The following GABRG3 variants were observed in gnomAD, a reference collection of about 807,000 sequenced individuals.
GABRG3 encodes gamma-aminobutyric acid receptor subunit gamma-3.
A neutral mutation model predicts 48.8 loss-of-function variants in GABRG3; 25 were observed. The ratio of observed to expected loss-of-function variants is 0.51; its 90% CI spans 0.37 to 0.72. The LOEUF is 0.72. Among genes scored for constraint, GABRG3 ranks in the 30% least tolerant of loss-of-function variants. GABRG3 has a pLI of 0.00. For missense variants in GABRG3, 394 were observed against 577.9 expected, an observed-to-expected ratio of 0.68 and a Z score of 3.26; for synonymous variants, 227 against 217.6, an observed-to-expected ratio of 1.04 and a Z score of -0.38.
chr15:27,183,718 C>A (rs141176057), intron 3 of GABRG3, among the ~76,000 whole-genome samples: 78 of 152,354 alleles, frequency 5.1e-4, no homozygotes, highest in Middle Eastern at 3.4e-3. Context: ...ATTTTTCCCT[C>A]TGTTACTCAT....
At chr15:27,007,703 T>C (rs764476740) in intron 2 of GABRG3, among the ~76,000 whole-genome samples, 3 of 152,214 alleles carry the variant, frequency 2.0e-5, no homozygotes, top group Non-Finnish European at 1.5e-5. Context: ...TGCATATATG[T>C]CTTCTTTTGA....
rs1167256948 is a variant in GABRG3, at chr15:27,457,058, G to T, written c.575-23592G>T. 6.6e-6 allele frequency among the ~76,000 whole-genome samples: 1 copy of T among 152,208 alleles called. No homozygotes were observed. The highest frequency in any genetic ancestry group is 1.5e-5 in the Non-Finnish European group (1 of 68,034). ...GACAGCAGGGGTGTGGAAGTAGAAG[G>T]AGCTGGAGGAGGGGAGCTGCAGGCC... is the stretch of plus-strand genomic sequence containing the variant. On this transcript the variant is annotated intron_variant, in intron 5 of 9. Transcript: ENST00000615808. This position sits in a 1 kb window ranked among gnomAD's most constrained non-coding sequence, Gnocchi z 4.4.
chr15:27,428,471 A>G (rs1888356353), intron 5 of GABRG3: 2 of 152,256 alleles, frequency 1.3e-5, no homozygotes, highest in South Asian at 4.1e-4. Flanking sequence ...CTGTTTTCAC[A>G]TGAATGTGAA....
At chr15:27,411,214 C>T (rs571225087) in intron 5 of GABRG3, among the ~76,000 whole-genome samples, 1 of 152,194 alleles carries the variant, frequency 6.6e-6, no homozygotes, top group African/African-American at 2.4e-5. Context: ...TAGTTTTGGA[C>T]AAACACTCTG....
intron 5 of GABRG3, among the ~76,000 whole-genome samples, chr15:27,437,714 G>C (rs545044433): frequency 6.6e-6 from 1 of 152,352 alleles, no homozygotes; most frequent in South Asian, 2.1e-4. Context: ...TCGTGTTGCT[G>C]TAAGAGAATA....
intron 3 of GABRG3, among the ~76,000 whole-genome samples, chr15:27,206,139 G>A (rs1196877114): frequency 1.3e-5 from 2 of 152,090 alleles, no homozygotes; most frequent in Non-Finnish European, 2.9e-5. Context: ...CTCTAGGTGT[G>A]ATGTTACATT....
In GABRG3 at chr15:27,236,664, C is replaced by T. The variant is rs1889977895; in HGVS notation, c.271-90145C>T. 6.6e-6 allele frequency among the ~76,000 whole-genome samples: 1 copy of T among 152,208 alleles called. No individual in the cohort carries two copies. The highest frequency in any genetic ancestry group is 1.5e-5 in the Non-Finnish European group (1 of 68,048). ...GTTCCTGATTAGAGACCACCAGCCA[C>T]AGAGTGGCTCTGACCAGCCTAGGGA... is the stretch of plus-strand genomic sequence containing the variant. On this transcript the variant is annotated intron_variant, in intron 3 of 9. Coordinates refer to ENST00000615808, the MANE Select transcript of GABRG3 (RefSeq NM_033223.5). The surrounding 1 kb of genome is among the most constrained non-coding windows in gnomAD (Gnocchi z 4.4).
intron 3 of GABRG3, among the ~76,000 whole-genome samples, chr15:27,207,632 G>C (rs994495706): frequency 4.6e-5 from 7 of 152,226 alleles, no homozygotes; most frequent in East Asian, 1.9e-4. Context: ...TGCACAGCAC[G>C]TGGAAACTGT....
chr15:27,490,907 C>A (rs1451281801), intron 6 of GABRG3, among the ~76,000 whole-genome samples: 3 of 151,858 alleles, frequency 2.0e-5, no homozygotes, highest in Non-Finnish European at 4.4e-5. Context: ...ACCACCCCCC[C>A]TTCACACTGC....
chr15:27,019,085 T>C (rs1020761402), intron 2 of GABRG3, among the ~76,000 whole-genome samples: 11 of 108,680 alleles, frequency 1.0e-4, no homozygotes, highest in Non-Finnish European at 3.9e-5. Flanking sequence ...TTTTTTTTTT[T>C]TGAGATGGAG....
At chr15:27,172,212 A>C (rs934114782) in intron 3 of GABRG3, among the ~76,000 whole-genome samples, 1 of 152,204 alleles carries the variant, frequency 6.6e-6, no homozygotes, top group African/African-American at 2.4e-5. Context: ...ACGTGGAGCA[A>C]AAATGTGATA....
At chr15:27,509,613 A>T (rs1011290628) in intron 6 of GABRG3, among the ~76,000 whole-genome samples, 1 of 152,164 alleles carries the variant, frequency 6.6e-6, no homozygotes, top group Admixed American at 6.6e-5. Flanking sequence ...TTTGGCTATG[A>T]TAAGTTTACT....
At chr15:27,017,956 A>G (rs1415048623) in intron 2 of GABRG3, among the ~76,000 whole-genome samples, 2 of 152,208 alleles carry the variant, frequency 1.3e-5, no homozygotes, top group African/African-American at 4.8e-5. Flanking sequence ...TATTAAAGGC[A>G]TAGTGCAGTT....
intron 5 of GABRG3, chr15:27,365,006 A>G (rs1375849657): frequency 6.6e-6 from 1 of 152,168 alleles, no homozygotes; most frequent in African/African-American, 2.4e-5. Context: ...TTTACCACCC[A>G]AAGATGGTGA....
chr15:27,328,904 A>G lies in GABRG3; in HGVS notation c.574+16A>G. On this transcript the variant is annotated intron_variant, in intron 5 of 9. Transcript: ENST00000615808. Reference sequence around the variant, plus strand: ...TTCTCCAGCTGTGAGTACCAGTCCAAGCCCGGGGTGTGCATGCTGTGTGAG... The same window carrying G: ...TTCTCCAGCTGTGAGTACCAGTCCAGGCCCGGGGTGTGCATGCTGTGTGAG... The G allele has an allele frequency of 6.2e-7, 1 of 1,609,566 alleles. No individual in the cohort carries two copies. The highest frequency in any genetic ancestry group is 8.5e-7 in the Non-Finnish European group (1 of 1,175,834).
intron 5 of GABRG3, among the ~76,000 whole-genome samples, chr15:27,367,170 C>T (rs143087846): frequency 1.3e-5 from 2 of 152,178 alleles, no homozygotes; most frequent in African/African-American, 4.8e-5. Flanking sequence ...CTCGTACCCT[C>T]CTGGAGCTGC....
intron 5 of GABRG3, among the ~76,000 whole-genome samples, chr15:27,368,326 C>T (rs937288795): frequency 1.3e-4 from 20 of 152,268 alleles, no homozygotes; most frequent in African/African-American, 4.6e-4. Context: ...GACACGCACA[C>T]ATACATGCAC....
At position 27,513,805 on chromosome 15, in the gene GABRG3, A is replaced by C. The variant is rs116820402; in HGVS notation, c.713-6167A>C. On this transcript the variant is annotated intron_variant, in intron 6 of 9. Coordinates refer to ENST00000615808, the MANE Select transcript of GABRG3 (RefSeq NM_033223.5). ...ATAACAAATCAGGAAGAAAGAAAAA[A>C]ATTAAAACACGAACTTAAATATAAA... Among the ~76,000 whole-genome samples, 823 of 152,340 alleles carry C rather than the reference A, an allele frequency of 5.4e-3. 7 individuals are homozygous for C. Among genetic ancestry groups the C allele is most frequent in the African/African-American group, 0.018 (764 of 41,582 alleles).
At chr15:27,376,236 C>G (rs1244125260) in intron 5 of GABRG3, among the ~76,000 whole-genome samples, 1 of 152,206 alleles carries the variant, frequency 6.6e-6, no homozygotes, top group Non-Finnish European at 1.5e-5. Flanking sequence ...TGGTTCTGCC[C>G]TTGTGGCTTT....
Sources: gnomAD v4.1 joint callset for allele counts (sites outside exome capture counted in the v4.1 genomes callset) on GRCh38, gnomAD v4.1.1 for gene constraint, Gnocchi (gnomAD v3.1) non-coding constraint, MANE v1.5 for transcripts, NCBI Gene and HGNC (gene_info 2026-07-23, HGNC 2026-07-21) for gene names.